HDAC4: variants seen among roughly 807,000 people sequenced by gnomAD.
The protein encoded by HDAC4 is histone deacetylase 4, also known as histone deacetylase A.
In HDAC4, 16 loss-of-function variants were observed where a neutral mutation model predicts 135.1. The observed-to-expected ratio is 0.12, with a 90% confidence interval of 0.08 to 0.18. The LOEUF is 0.18. Ranked by LOEUF, HDAC4 falls within the 10% of genes least tolerant of loss-of-function variation. The pLI, the probability that HDAC4 is intolerant of heterozygous loss-of-function variation, is 1.00. For missense variants in HDAC4, 1,143 were observed against 1,511.8 expected (o/e 0.76, Z 4.05); for synonymous variants, 685 against 653.4 (o/e 1.05, Z -0.74).
Position 239,352,578 on chromosome 2 carries a change from A to G in HDAC4, c.22+100T>C. ...ACAGTGACCACTATCAAGAAAAACA[A>G]AAGTCTCAAATCCAGAAAGCAAGCT... On this transcript the variant is annotated intron_variant, in intron 2 of 26. Coordinates refer to ENST00000543185, the MANE Select transcript of HDAC4 (RefSeq NM_001378414.1). The surrounding 1 kb of genome is among the most constrained non-coding windows in gnomAD (Gnocchi z 4.4). 16 of 1,189,032 alleles carry G rather than the reference A, an allele frequency of 1.3e-5. No individual in the cohort carries two copies. Among genetic ancestry groups the G allele is most frequent in the Non-Finnish European group, 2.0e-5 (16 of 817,144 alleles). The allele number at this position is 1,189,032 out of a possible 1,614,324, so 73.7% of individuals were successfully genotyped here. A position where few individuals can be genotyped will look rare whatever the true frequency, so the allele number is the denominator to read the frequency against.
intron 2 of HDAC4, among the ~76,000 whole-genome samples, chr2:239,337,441 G>A (rs921813992): frequency 1.3e-5 from 2 of 152,098 alleles, no homozygotes; most frequent in African/African-American, 2.4e-5. Flanking sequence ...GTCGGTTATC[G>A]CTGCAAACTT....
At chr2:239,389,766 C>T (rs1313288875) in intron 1 of HDAC4, among the ~76,000 whole-genome samples, 1 of 152,220 alleles carries the variant, frequency 6.6e-6, no homozygotes, top group Non-Finnish European at 1.5e-5. Flanking sequence ...CTGTCCCCTT[C>T]CCCCTTCCTT....
At chr2:239,203,566 G>C (rs2045883392) in intron 3 of HDAC4, among the ~76,000 whole-genome samples, 1 of 152,148 alleles carries the variant, frequency 6.6e-6, no homozygotes, top group African/African-American at 2.4e-5. Flanking sequence ...AAACAGACTT[G>C]GGTTCTAAAA....
chr2:239,255,617 T>C (rs55698553), intron 2 of HDAC4, among the ~76,000 whole-genome samples: 20,214 of 152,222 alleles, frequency 0.13, 2,214 homozygotes, highest in African/African-American at 0.3. Flanking sequence ...CACGCCAACA[T>C]GCCACAGCCT....
chr2:239,173,229 C>G (rs149452386), intron 5 of HDAC4, among the ~76,000 whole-genome samples: 1 of 152,188 alleles, frequency 6.6e-6, no homozygotes, highest in Admixed American at 6.5e-5. Flanking sequence ...CAATCTCCCT[C>G]AGGAACACAG....
intron 8 of HDAC4, among the ~76,000 whole-genome samples, chr2:239,140,428 C>T (rs909859304): frequency 6.6e-6 from 1 of 152,180 alleles, no homozygotes; most frequent in African/African-American, 2.4e-5. Flanking sequence ...GGGGCCACGT[C>T]CAATCCAAAG....
chr2:239,087,276 G>C (rs1559400127), intron 19 of HDAC4, among the ~76,000 whole-genome samples: 1 of 152,194 alleles, frequency 6.6e-6, no homozygotes, highest in Non-Finnish European at 1.5e-5. Context: ...CCCAAGTGTT[G>C]ACAACTACTC....
At chr2:239,112,031 G>A (rs1047350489) in intron 13 of HDAC4, among the ~76,000 whole-genome samples, 3 of 152,170 alleles carry the variant, frequency 2.0e-5, no homozygotes, top group Admixed American at 6.5e-5. Flanking sequence ...GGGGTCCCAG[G>A]GAGGCCTGGC....
intron 20 of HDAC4, among the ~76,000 whole-genome samples, chr2:239,083,333 G>A (rs757452842): frequency 3.3e-5 from 5 of 152,206 alleles, no homozygotes; most frequent in African/African-American, 4.8e-5. Flanking sequence ...CTGAGGGAGG[G>A]CTCCCGGCTC....
chr2:239,125,424 C>T (rs1166308951), intron 12 of HDAC4, among the ~76,000 whole-genome samples: 1 of 152,224 alleles, frequency 6.6e-6, no homozygotes, highest in Non-Finnish European at 1.5e-5. Context: ...ACCACGCTTC[C>T]TCTACAGCCT....
Position 239,081,145 on chromosome 2 carries a change from G to T in HDAC4, c.2700C>A (p.Thr900=). Residue 900 remains threonine, a synonymous_variant, in exon 22 of 27, where the codon ACC becomes ACA. Transcript: ENST00000543185. ...CTCCCATGGGGGGGTCCAGGCCGCCGGTGAAAGCCATGTTGACGTTGAAAC... is the reference window on the plus strand; with the variant it reads ...CTCCCATGGGGGGGTCCAGGCCGCCTGTGAAAGCCATGTTGACGTTGAAAC... ...GVGFNVNMAF[T]GGLDPPMGDA... is the part of the protein sequence containing the mutation. 6.2e-7 allele frequency: 1 copy of T among 1,614,028 alleles called. No individual in the cohort carries two copies. Among genetic ancestry groups the T allele is most frequent in the South Asian group, 1.1e-5 (1 of 91,052 alleles).
intron 1 of HDAC4, among the ~76,000 whole-genome samples, chr2:239,389,570 T>G (rs1415892258): frequency 2.6e-5 from 4 of 152,094 alleles, no homozygotes; most frequent in Non-Finnish European, 5.9e-5. Flanking sequence ...GGACACAGGA[T>G]GGGGCCCACC....
intron 3 of HDAC4, chr2:239,191,017 C>G (rs2044911516): frequency 2.2e-6 from 1 of 463,536 alleles, no homozygotes; most frequent in Non-Finnish European, 4.4e-6. Flanking sequence ...CCAGGGACAT[C>G]CCAGCGTCAC....
intron 11 of HDAC4, among the ~76,000 whole-genome samples, chr2:239,130,778 G>A (rs2040522005): frequency 6.6e-6 from 1 of 152,204 alleles, no homozygotes; most frequent in Non-Finnish European, 1.5e-5. Flanking sequence ...GTACTACCAA[G>A]CTCCTCCTGG....
chr2:239,368,587 C>T (rs1448728579), intron 1 of HDAC4, among the ~76,000 whole-genome samples: 1 of 152,132 alleles, frequency 6.6e-6, no homozygotes, highest in Non-Finnish European at 1.5e-5. Flanking sequence ...AAGTGAAGGG[C>T]CTCCGTCCTG....
chr2:239,270,711 T>C (rs986678352), intron 2 of HDAC4, among the ~76,000 whole-genome samples: 23 of 152,216 alleles, frequency 1.5e-4, no homozygotes, highest in African/African-American at 5.1e-4. Context: ...ATTTCTGAAA[T>C]CATTAAACCA....
At chr2:239,190,479 G>A (rs928822673) in intron 3 of HDAC4, among the ~76,000 whole-genome samples, 7 of 152,338 alleles carry the variant, frequency 4.6e-5, no homozygotes, top group South Asian at 2.1e-4. Flanking sequence ...AAGGAAAAGC[G>A]CGGGCGCCAG....
intron 24 of HDAC4, among the ~76,000 whole-genome samples, chr2:239,065,685 C>G (rs1423098311): frequency 6.6e-6 from 1 of 152,234 alleles, no homozygotes; most frequent in East Asian, 1.9e-4. Context: ...GGCAAGGCCT[C>G]TGCATCTGGT....
intron 6 of HDAC4, among the ~76,000 whole-genome samples, chr2:239,158,193 ACT>A (rs1420467204): frequency 6.6e-6 from 1 of 152,008 alleles, no homozygotes; most frequent in Non-Finnish European, 1.5e-5. Context: ...TGGGGGCAAC[ACT>A]CTTTCTCTAC....
Sources: gnomAD v4.1 joint callset for allele counts (sites outside exome capture counted in the v4.1 genomes callset) on GRCh38, gnomAD v4.1.1 for gene constraint, Gnocchi (gnomAD v3.1) non-coding constraint, MANE v1.5 for transcripts, NCBI Gene and HGNC (gene_info 2026-07-23, HGNC 2026-07-21) for gene names.